Variants in ADAMTSL1 observed in about 807,000 individuals in gnomAD.
ADAMTSL1 encodes the protein ADAMTS like 1, also known as ADAMTS-like protein 1.
ADAMTSL1 carries 126 observed loss-of-function variants against 201.8 expected under a neutral mutation model. The ratio of observed to expected loss-of-function variants is 0.62; its 90% CI spans 0.54 to 0.72. The LOEUF is 0.72. Among genes scored for constraint, ADAMTSL1 ranks in the 30% least tolerant of loss-of-function variants. The pLI, the probability that ADAMTSL1 is intolerant of heterozygous loss-of-function variation, is 0.00. For missense variants in ADAMTSL1, 2,679 were observed against 2,277.8 expected (o/e 1.18, Z -3.59); for synonymous variants, 1,121 against 903.4 (o/e 1.24, Z -4.32).
chr9:18,145,060 G>A (rs1465741654), intron 1 of ADAMTSL1, among the ~76,000 whole-genome samples: 4 of 152,264 alleles, frequency 2.6e-5, no homozygotes, highest in Admixed American at 2.6e-4. Context: ...TTCTAGTTAA[G>A]GGTCTACAAC....
intron 2 of ADAMTSL1, among the ~76,000 whole-genome samples, chr9:18,254,635 T>C (rs997106208): frequency 6.6e-5 from 10 of 151,410 alleles, no homozygotes; most frequent in East Asian, 3.9e-4. Flanking sequence ...AGTGCTGGGA[T>C]TACAGGCGTG....
At chr9:18,593,033 A>G (rs933260566) in intron 4 of ADAMTSL1, among the ~76,000 whole-genome samples, 16 of 152,138 alleles carry the variant, frequency 1.1e-4, no homozygotes, top group Non-Finnish European at 1.8e-4. Flanking sequence ...TTTTTGGCAT[A>G]TAGAAATGCT....
chr9:18,780,692 G>T (rs1279445246), intron 19 of ADAMTSL1, among the ~76,000 whole-genome samples: 2 of 152,028 alleles, frequency 1.3e-5, no homozygotes, highest in African/African-American at 4.8e-5. Flanking sequence ...TACATAAAAA[G>T]CATATATGCA....
intron 5 of ADAMTSL1, chr9:18,622,701 T>A: frequency 2.3e-6 from 1 of 440,628 alleles, no homozygotes; most frequent in Non-Finnish European, 4.0e-6. Context: ...TGTAGTGTGC[T>A]ATGCCTGGTG....
At chr9:18,024,818 T>A (rs1383638798) in intron 1 of ADAMTSL1, among the ~76,000 whole-genome samples, 1 of 152,164 alleles carries the variant, frequency 6.6e-6, no homozygotes, top group Non-Finnish European at 1.5e-5. Flanking sequence ...GTAGTTCTAT[T>A]TTTAGTTCTT....
intron 20 of ADAMTSL1, among the ~76,000 whole-genome samples, chr9:18,804,746 A>G (rs1038019999): frequency 6.6e-6 from 1 of 152,176 alleles, no homozygotes; most frequent in African/African-American, 2.4e-5. Flanking sequence ...GGAAATTTTC[A>G]TTTCAGAGAA....
intron 2 of ADAMTSL1, among the ~76,000 whole-genome samples, chr9:18,282,161 C>T (rs1587462461): frequency 6.6e-6 from 1 of 152,158 alleles, no homozygotes. Context: ...CATGTGTACC[C>T]ATTGTTGGTT....
intron 3 of ADAMTSL1, among the ~76,000 whole-genome samples, chr9:18,545,371 A>G (rs749851587): frequency 2.0e-5 from 3 of 152,206 alleles, no homozygotes; most frequent in Non-Finnish European, 4.4e-5. Context: ...ACCAGGAGCT[A>G]TATGGGTGAT....
intron 2 of ADAMTSL1, among the ~76,000 whole-genome samples, chr9:18,508,263 T>C (rs1295625415): frequency 1.3e-5 from 2 of 152,158 alleles, no homozygotes. Context: ...CAAATGTTTG[T>C]GTGTCCCTGG....
At position 18,776,593 on chromosome 9, in the gene ADAMTSL1, G is replaced by A. The variant is rs1026028524; in HGVS notation, c.2552-188G>A. Among the ~76,000 whole-genome samples the A allele has an allele frequency of 2.0e-5, 3 of 152,164 alleles. No homozygotes were observed. In the East Asian group the frequency reaches 5.8e-4, roughly 29 times the overall value. On this transcript the variant is annotated intron_variant, in intron 18 of 28. Coordinates refer to ENST00000380548, the MANE Select transcript of ADAMTSL1 (RefSeq NM_001040272.6). ...GAGGTCCTCCCGAAAAACACAGGCA[G>A]TAAAGGATGGCCCCGGCCAAAATAA...
chr9:18,473,270 C>G (rs1047892147), upstream of ADAMTSL1, among the ~76,000 whole-genome samples: 6 of 152,184 alleles, frequency 3.9e-5, no homozygotes, highest in Non-Finnish European at 8.8e-5. Flanking sequence ...CTTTCTTTCT[C>G]TCCCGTGGCT....
chr9:18,846,154 C>G (rs1441473173), intron 23 of ADAMTSL1, among the ~76,000 whole-genome samples: 1 of 152,178 alleles, frequency 6.6e-6, no homozygotes, highest in Non-Finnish European at 1.5e-5. Context: ...ATACCAGGCA[C>G]TGTTCTAGGT....
chr9:18,634,895 G>T lies in ADAMTSL1; in HGVS notation c.602-1048G>T, dbSNP rs575797804. 2.3e-5 allele frequency among the ~76,000 whole-genome samples: 3 copies of T among 127,958 alleles called. No homozygotes were observed. In the South Asian group the frequency reaches 7.2e-4, roughly 31 times the overall value. The allele number at this position is 127,958 out of a possible 152,430, so 83.9% of individuals were successfully genotyped here. ...TATATTTATATATATAAATATGTATGTAAATATATATTTAATATATATATA... is the reference window on the plus strand; with the variant it reads ...TATATTTATATATATAAATATGTATTTAAATATATATTTAATATATATATA... On this transcript the variant is annotated intron_variant, in intron 5 of 28. Transcript: ENST00000380548.
intron 1 of ADAMTSL1, among the ~76,000 whole-genome samples, chr9:18,499,081 G>A (rs888493855): frequency 6.6e-6 from 1 of 152,246 alleles, no homozygotes; most frequent in Admixed American, 6.5e-5. Flanking sequence ...TTACAGAATT[G>A]ACTTTTCTCT....
At chr9:18,582,178 C>T (rs1242026324) in intron 4 of ADAMTSL1, among the ~76,000 whole-genome samples, 1 of 152,184 alleles carries the variant, frequency 6.6e-6, no homozygotes, top group East Asian at 1.9e-4. Flanking sequence ...TAGCCATAAC[C>T]TTGGCCCTGT....
chr9:18,584,663 A>T (rs1290028223), intron 4 of ADAMTSL1, among the ~76,000 whole-genome samples: 3 of 152,182 alleles, frequency 2.0e-5, no homozygotes, highest in Admixed American at 6.5e-5. Flanking sequence ...AGATTTAGGG[A>T]TGCCTAGATA....
intron 2 of ADAMTSL1, among the ~76,000 whole-genome samples, chr9:18,375,748 C>T (rs780272864): frequency 6.6e-6 from 1 of 152,226 alleles, no homozygotes; most frequent in Non-Finnish European, 1.5e-5. Flanking sequence ...AAGGGGACCC[C>T]AGCGGGTTGC....
intron 23 of ADAMTSL1, among the ~76,000 whole-genome samples, chr9:18,847,185 T>C (rs1039729245): frequency 2.0e-5 from 3 of 152,120 alleles, no homozygotes; most frequent in African/African-American, 7.2e-5. Flanking sequence ...AAAAGCTCTA[T>C]AGGCTGCACA....
At chr9:18,106,077 C>T (rs1442093452) in intron 1 of ADAMTSL1, among the ~76,000 whole-genome samples, 1 of 152,150 alleles carries the variant, frequency 6.6e-6, no homozygotes, top group African/African-American at 2.4e-5. Flanking sequence ...GAGCTTCTTG[C>T]TCTGCTTGTT....
Sources: allele counts gnomAD v4.1 joint callset (sites outside exome capture counted in the v4.1 genomes callset), GRCh38; gene constraint gnomAD v4.1.1; transcripts MANE v1.5; gene names NCBI Gene and HGNC (gene_info 2026-07-23, HGNC 2026-07-21).